Variants in GPC5 observed in about 807,000 individuals in gnomAD.
GPC5 encodes the protein glypican 5.
In GPC5, 47 loss-of-function variants were observed where a neutral mutation model predicts 53.9. That is an observed-to-expected ratio of 0.87 (90% CI 0.69 to 1.11). The LOEUF (loss-of-function observed/expected upper bound fraction) is 1.11. Ranked by LOEUF, GPC5 falls within the 50% of genes most tolerant of loss-of-function variation. GPC5 has a pLI of 0.00. For missense variants in GPC5, 748 were observed against 713.1 expected (o/e 1.05, Z -0.56); for synonymous variants, 286 against 263.3 (o/e 1.09, Z -0.84).
intron 2 of GPC5, among the ~76,000 whole-genome samples, chr13:91,583,527 C>A (rs1257156452): frequency 6.6e-6 from 1 of 152,036 alleles, no homozygotes; most frequent in African/African-American, 2.4e-5. Flanking sequence ...GATCATATTC[C>A]TACATGGGAA....
At chr13:91,718,099 TTTGTTG>T (rs200812685) in intron 3 of GPC5, among the ~76,000 whole-genome samples, 12 of 151,236 alleles carry the variant, frequency 7.9e-5, no homozygotes, top group African/African-American at 1.9e-4. Flanking sequence ...TCCCCTAATC[TTTGTTG>T]TTGTTGTTGT....
At position 92,003,450 on chromosome 13, in the gene GPC5, G is replaced by C. The variant is rs2040575449; in HGVS notation, c.1401+95393G>C. The stretch of plus-strand genomic sequence containing the variant: ...CATCAGAAATTTACCATCCAATCGA[G>C]ATTTTTTTTTTCAGTGAAAGGATGT... On this transcript the variant is annotated intron_variant, in intron 6 of 7. Transcript: ENST00000377067. Among the ~76,000 whole-genome samples, 4 of 2,834 alleles carry C rather than the reference G, an allele frequency of 1.4e-3. No individual in the cohort carries two copies. The South Asian group carries it at 0.13, about 94-fold the overall frequency. 1.9% of individuals were successfully genotyped at this position (2,834 alleles called of 152,430 possible).
chr13:91,701,367 G>A (rs2035987734), intron 3 of GPC5, among the ~76,000 whole-genome samples: 1 of 152,006 alleles, frequency 6.6e-6, no homozygotes. Context: ...CTCAGCCCTG[G>A]CAAACACCAT....
chr13:92,801,186 CTTG>C lies in GPC5; in HGVS notation c.1562-65093_1562-65091del, dbSNP rs547986737. ...CCATGACTATGTGAACACATGTGTG[CTTG>C]TTTATATTTATACAGTCTACCTACA... On this transcript the variant is annotated intron_variant, in intron 7 of 7. Coordinates refer to ENST00000377067, the MANE Select transcript of GPC5 (RefSeq NM_004466.6). 3.8e-3 allele frequency among the ~76,000 whole-genome samples: 575 copies of C among 151,398 alleles called. 4 individuals are homozygous for C. Among genetic ancestry groups the C allele is most frequent in the Non-Finnish European group, 6.0e-3 (404 of 67,726 alleles).
At chr13:92,795,564 A>G (rs1361828468) in intron 7 of GPC5, among the ~76,000 whole-genome samples, 2 of 152,194 alleles carry the variant, frequency 1.3e-5, no homozygotes, top group African/African-American at 2.4e-5. Flanking sequence ...CTGCACGGCA[A>G]AAGAAACTAC....
intron 7 of GPC5, among the ~76,000 whole-genome samples, chr13:92,184,537 A>G (rs946511483): frequency 1.4e-4 from 22 of 152,308 alleles, no homozygotes; most frequent in African/African-American, 4.3e-4. Context: ...TAAATAACTA[A>G]GAGCAACCTT....
intron 7 of GPC5, among the ~76,000 whole-genome samples, chr13:92,603,985 TA>T (rs963274813): frequency 2.6e-5 from 4 of 152,170 alleles, no homozygotes; most frequent in African/African-American, 9.7e-5. Context: ...TTAACATTAA[TA>T]GAGGACAGAA....
chr13:92,327,762 G>A (rs1176222215), intron 7 of GPC5, among the ~76,000 whole-genome samples: 3 of 152,126 alleles, frequency 2.0e-5, no homozygotes, highest in Non-Finnish European at 4.4e-5. Flanking sequence ...AAACTTTTCA[G>A]TATGATTCTC....
chr13:92,613,565 TATATATA>T (rs1218729085), intron 7 of GPC5, among the ~76,000 whole-genome samples: 2 of 122,960 alleles, frequency 1.6e-5, no homozygotes, highest in East Asian at 4.3e-4. Context: ...TATACAATAA[TATATATA>T]ATATATAATA....
At chr13:92,144,701 A>G (rs1034838117) in intron 6 of GPC5, 129 bp from the exon 7 acceptor site, 2 of 804,550 alleles carry the variant, frequency 2.5e-6, no homozygotes, top group Admixed American at 6.0e-5. Context: ...TTTCTTAAAG[A>G]CTTGACTTGG....
chr13:91,662,828 A>G (rs2035017364), intron 2 of GPC5, among the ~76,000 whole-genome samples: 1 of 152,134 alleles, frequency 6.6e-6, no homozygotes, highest in Non-Finnish European at 1.5e-5. Flanking sequence ...TCCAAAACAT[A>G]TACTACCTGT....
intron 6 of GPC5, among the ~76,000 whole-genome samples, chr13:92,032,155 C>T (rs2040857508): frequency 6.8e-6 from 1 of 148,030 alleles, no homozygotes; most frequent in Admixed American, 6.9e-5. Context: ...AACTGGGGAC[C>T]ATTATTCTAA....
At position 92,023,266 on chromosome 13, in the gene GPC5, C is replaced by T. The variant is rs558074125; in HGVS notation, c.1401+115209C>T. 8.7e-4 allele frequency among the ~76,000 whole-genome samples: 132 copies of T among 152,014 alleles called. 1 individual carries two copies. The Middle Eastern group carries it at 0.034, about 39-fold the overall frequency. ...GTCTCAAATCAAATTACATCATGAA[C>T]AATTGGAAGACGTCATAAATCAAAC... is the stretch of plus-strand genomic sequence containing the variant. On this transcript the variant is annotated intron_variant, in intron 6 of 7. Coordinates refer to ENST00000377067, the MANE Select transcript of GPC5 (RefSeq NM_004466.6).
intron 4 of GPC5, among the ~76,000 whole-genome samples, chr13:91,749,399 A>G (rs1023591146): frequency 6.6e-6 from 1 of 152,246 alleles, no homozygotes; most frequent in African/African-American, 2.4e-5. Context: ...TGTGTATAAT[A>G]TAGACCACAT....
intron 7 of GPC5, among the ~76,000 whole-genome samples, chr13:92,336,582 T>C (rs1024364225): frequency 6.6e-6 from 1 of 152,214 alleles, no homozygotes; most frequent in Admixed American, 6.5e-5. Flanking sequence ...TTTTGTTTAC[T>C]AATTAAGGTC....
chr13:91,789,890 C>T lies in GPC5; in HGVS notation c.1280+33470C>T, dbSNP rs182644140. ...TCGTGCTCAGTCAAACAAAACACAGCGGAGAAATAGAAGGGGAGCTAGGCG... is the reference window on the plus strand; with the variant it reads ...TCGTGCTCAGTCAAACAAAACACAGTGGAGAAATAGAAGGGGAGCTAGGCG... On this transcript the variant is annotated intron_variant, in intron 5 of 7. Transcript: ENST00000377067. Among the ~76,000 whole-genome samples the T allele has an allele frequency of 1.4e-3, 218 of 152,118 alleles. 2 individuals are homozygous for T. Among genetic ancestry groups the T allele is most frequent in the African/African-American group, 4.4e-3 (184 of 41,500 alleles).
intron 7 of GPC5, among the ~76,000 whole-genome samples, chr13:92,802,159 T>C (rs1876929756): frequency 6.6e-6 from 1 of 151,840 alleles, no homozygotes; most frequent in African/African-American, 2.4e-5. Context: ...ACCTTTACTA[T>C]GTTGAGACAT....
At chr13:91,531,500 A>G (rs1231792407) in intron 2 of GPC5, among the ~76,000 whole-genome samples, 1 of 152,180 alleles carries the variant, frequency 6.6e-6, no homozygotes, top group Non-Finnish European at 1.5e-5. Context: ...TTTAGTATAA[A>G]TTTTGAAAGC....
chr13:92,778,970 C>T (rs1273284532), intron 7 of GPC5, among the ~76,000 whole-genome samples: 6 of 151,342 alleles, frequency 4.0e-5, no homozygotes, highest in Admixed American at 3.3e-4. Context: ...AAGATATACA[C>T]ACACACACAC....
Sources: allele counts gnomAD v4.1 joint callset (sites outside exome capture counted in the v4.1 genomes callset), GRCh38; gene constraint gnomAD v4.1.1; transcripts MANE v1.5; gene names NCBI Gene and HGNC (gene_info 2026-07-23, HGNC 2026-07-21).